The following BRWD1 variants were observed in gnomAD, a reference collection of about 807,000 sequenced individuals.
BRWD1 encodes bromodomain and WD repeat domain containing 1.
In BRWD1, 82 loss-of-function variants were observed where a neutral mutation model predicts 251.2. The ratio of observed to expected loss-of-function variants is 0.33; its 90% CI spans 0.27 to 0.39. The LOEUF (loss-of-function observed/expected upper bound fraction) is 0.39, where lower values mean the gene tolerates loss of function less well. BRWD1 is among the 10% of genes least tolerant of loss of function. BRWD1 has a pLI of 1.00. For synonymous variants in BRWD1, 918 were observed against 902.8 expected (o/e 1.02, Z -0.30); for missense variants, 2,233 against 2,711.6 (o/e 0.82, Z 3.92).
At chr21:39,261,943 A>C (rs948154154) in intron 17 of BRWD1, among the ~76,000 whole-genome samples, 3 of 152,220 alleles carry the variant, frequency 2.0e-5, no homozygotes, top group Non-Finnish European at 2.9e-5. Flanking sequence ...CAGATTAGAT[A>C]TATAAAGACA....
At position 39,236,779 on chromosome 21, in the gene BRWD1, G is replaced by A; in HGVS notation, c.2582C>T (p.Ser861Phe). 6.2e-7 allele frequency: 1 copy of A among 1,612,582 alleles called. No homozygotes were observed. The highest frequency in any genetic ancestry group is 8.5e-7 in the Non-Finnish European group (1 of 1,179,496). The change falls in exon 23 of 41, where the codon TCT becomes TTT. Residue 861 changes from serine to phenylalanine, a missense_variant. Coordinates refer to ENST00000342449, the MANE Select transcript of BRWD1 (RefSeq NM_033656.4). ...TGTCCAATCGGAATATCTAGATGAAGAGTCACTAGAAAAGGGGAGTGCTTT... is the reference window on the plus strand; with the variant it reads ...TGTCCAATCGGAATATCTAGATGAAAAGTCACTAGAAAAGGGGAGTGCTTT... ...SESYSESSSD[S>F]SSRYSDWTAD...
intron 37 of BRWD1, among the ~76,000 whole-genome samples, chr21:39,204,331 C>T (rs1010832047): frequency 4.0e-5 from 6 of 151,228 alleles, no homozygotes; most frequent in Middle Eastern, 3.4e-3. Flanking sequence ...ACAAGGAAAT[C>T]CCATCAAGGG....
intron 36 of BRWD1, 79 bp downstream of exon 36, chr21:39,209,915 CT>C: frequency 7.1e-7 from 1 of 1,401,844 alleles, no homozygotes; most frequent in Non-Finnish European, 9.7e-7. Flanking sequence ...GAAAATTACA[CT>C]GGAAAAAATT....
chr21:39,202,198 C>A, intron 38 of BRWD1, 127 bp downstream of exon 38: 1 of 611,034 alleles, frequency 1.6e-6, no homozygotes. Flanking sequence ...TTTATCTCTT[C>A]CATTAAACTG....
At position 39,186,531 on chromosome 21, in the gene BRWD1, G is replaced by C. The variant is rs1196514933; in HGVS notation, c.*9728C>G. On this transcript the variant is annotated 3_prime_UTR_variant, in exon 41 of 41. Transcript: ENST00000342449. ...ATCTGGGTAGTTTTTGCTTCACTCA[G>C]AAGTCAAATAGGCCCATTAGCACTT... 1 of 152,178 alleles carries C rather than the reference G, an allele frequency of 6.6e-6. No individual in the cohort carries two copies. 9.4% of individuals were successfully genotyped at this position (152,178 alleles called of 1,614,324 possible). A position where few individuals can be genotyped will look rare whatever the true frequency, so the allele number is the denominator to read the frequency against.
intron 37 of BRWD1, among the ~76,000 whole-genome samples, chr21:39,205,248 AG>A (rs1173017177): frequency 1.3e-5 from 2 of 151,970 alleles, no homozygotes; most frequent in Non-Finnish European, 2.9e-5. Context: ...CCAAGGTGGA[AG>A]GATCTTGATC....
intron 8 of BRWD1, among the ~76,000 whole-genome samples, chr21:39,290,458 T>C: frequency 6.9e-6 from 1 of 144,460 alleles, no homozygotes; most frequent in African/African-American, 2.6e-5. Flanking sequence ...GCCACTGCAC[T>C]CCAGCCTGGG....
chr21:39,296,211 T>C, intron 6 of BRWD1, 54 bp downstream of exon 6: 4 of 1,407,702 alleles, frequency 2.8e-6, no homozygotes, highest in Non-Finnish European at 3.9e-6. Flanking sequence ...ATAAAGGTTG[T>C]TGAGAAATTT....
intron 8 of BRWD1, among the ~76,000 whole-genome samples, chr21:39,292,505 C>T (rs2035845576): frequency 6.6e-6 from 1 of 152,180 alleles, no homozygotes; most frequent in Admixed American, 6.5e-5. Flanking sequence ...ATGAAATACT[C>T]ATACCCTCGC....
intron 31 of BRWD1, 77 bp downstream of exon 31, chr21:39,218,075 A>C (rs1384854256): frequency 9.2e-6 from 13 of 1,409,322 alleles, no homozygotes; most frequent in Non-Finnish European, 1.2e-5. Context: ...TTCTACCACT[A>C]TCTCTTTCTT....
rs774262535 is a variant in BRWD1, at chr21:39,194,728, G to T, written c.*1531C>A. 137 of 1,535,242 alleles carry T rather than the reference G, an allele frequency of 8.9e-5. No homozygotes were observed. Among genetic ancestry groups the T allele is most frequent in the Middle Eastern group, 3.3e-4 (2 of 5,994 alleles). ...GCTTCGCCTTGTCTGCCACTTCAAAGATACACAGGAGAAAAGGTTTTGTCT... is the reference window on the plus strand; with the variant it reads ...GCTTCGCCTTGTCTGCCACTTCAAATATACACAGGAGAAAAGGTTTTGTCT... On this transcript the variant is annotated 3_prime_UTR_variant, in exon 41 of 41. Transcript: ENST00000342449.
chr21:39,276,669 C>T (rs4818011), intron 11 of BRWD1, among the ~76,000 whole-genome samples: 141,050 of 152,228 alleles, frequency 0.93, 65,698 homozygotes, highest in African/African-American at 0.97. Context: ...AAAGATGGCC[C>T]AACCCTGACC....
intron 8 of BRWD1, among the ~76,000 whole-genome samples, chr21:39,293,298 G>A (rs2035867602): frequency 6.6e-6 from 1 of 152,076 alleles, no homozygotes; most frequent in Non-Finnish European, 1.5e-5. Flanking sequence ...TTCGAGACCA[G>A]CCTGCCCAAC....
chr21:39,250,825 T>C lies in BRWD1; in HGVS notation c.2320A>G (p.Lys774Glu). ...TGTGAGAGCTGAAGAGTCTTTCTTT[T>C]TCTTCCTATTATATAAAGATTTCTT... ...EERNLYIIGR[K>E]RKTLQLSHKS... is the part of the protein sequence containing the mutation. The change falls in exon 20 of 41, where the codon AAA becomes GAA. Residue 774 changes from lysine (K) to glutamate (E), a missense_variant. This residue lies in a region of BRWD1 where 214 missense variants were observed against 222.0 expected (regional missense o/e 0.96). Transcript: ENST00000342449. The C allele has an allele frequency of 2.5e-6, 4 of 1,598,340 alleles. No individual in the cohort carries two copies. Among genetic ancestry groups the C allele is most frequent in the Non-Finnish European group, 3.4e-6 (4 of 1,173,680 alleles).
At chr21:39,277,011 C>T (rs1423924117) in intron 11 of BRWD1, among the ~76,000 whole-genome samples, 1 of 152,060 alleles carries the variant, frequency 6.6e-6, no homozygotes, top group Non-Finnish European at 1.5e-5. Flanking sequence ...AATATTTTAA[C>T]TGTCAAATAG....
intron 21 of BRWD1, among the ~76,000 whole-genome samples, chr21:39,238,823 A>C (rs1480706409): frequency 6.6e-6 from 1 of 152,202 alleles, no homozygotes; most frequent in Non-Finnish European, 1.5e-5. Flanking sequence ...AGAAAGTGAT[A>C]CAACAGGCCA....
chr21:39,247,944 G>C lies in BRWD1; in HGVS notation c.2350-112C>G, dbSNP rs115998925. ...AGGATTTAAAGCAAAAAGAAAAAAA[G>C]GCTTAAAAAGAAGGTAGCATTTTTG... On this transcript the variant is annotated intron_variant, in intron 20 of 40. Transcript: ENST00000342449. 6.0e-4 allele frequency: 740 copies of C among 1,240,304 alleles called. 4 individuals carry two copies. In the African/African-American group the frequency reaches 0.01, roughly 18 times the overall value. 76.8% of individuals were successfully genotyped at this position (1,240,304 alleles called of 1,614,324 possible).
In BRWD1 at chr21:39,193,201, C is replaced by T; in HGVS notation, c.*3058G>A. On this transcript the variant is annotated 3_prime_UTR_variant, in exon 41 of 41. Transcript: ENST00000342449. ...AACCCAATTTCCTCTTTAGGTGCAGCTCTACTATTTGAAAGGAACCTTTCT... is the reference window on the plus strand; with the variant it reads ...AACCCAATTTCCTCTTTAGGTGCAGTTCTACTATTTGAAAGGAACCTTTCT... The T allele has an allele frequency of 1.0e-6, 1 of 985,024 alleles. No homozygotes were observed. Among genetic ancestry groups the T allele is most frequent in the Non-Finnish European group, 1.2e-6 (1 of 829,744 alleles). The allele number at this position is 985,024 out of a possible 1,614,324, so 61.0% of individuals were successfully genotyped here. A position where few individuals can be genotyped will look rare whatever the true frequency, so the allele number is the denominator to read the frequency against.
Position 39,247,903 on chromosome 21 carries a change from C to A in BRWD1, c.2350-71G>T, listed in dbSNP as rs993295054. ...GGACAATATCAACAAAATGGGCATT[C>A]CGTCAAGTTTCCAGAAGGATTTAAA... On this transcript the variant is annotated intron_variant, in intron 20 of 40. Coordinates refer to ENST00000342449, the MANE Select transcript of BRWD1 (RefSeq NM_033656.4). The A allele has an allele frequency of 1.4e-5, 20 of 1,420,248 alleles. No homozygotes were observed. In the African/African-American group the frequency reaches 2.9e-4, roughly 21 times the overall value. The allele number at this position is 1,420,248 out of a possible 1,614,324, so 88.0% of individuals were successfully genotyped here.
Sources: allele counts gnomAD v4.1 joint callset (sites outside exome capture counted in the v4.1 genomes callset), GRCh38; gene constraint gnomAD v4.1.1; regional missense constraint gnomAD v4.1.1; transcripts MANE v1.5; gene names NCBI Gene and HGNC (gene_info 2026-07-23, HGNC 2026-07-21).